The following ERBB4 variants were observed in gnomAD, a reference collection of about 807,000 sequenced individuals.
ERBB4 encodes the protein receptor tyrosine-protein kinase erbB-4.
A neutral mutation model predicts 158.0 loss-of-function variants in ERBB4; 42 were observed. The observed-to-expected ratio is 0.27, with a 90% CI of 0.21 to 0.34. The LOEUF (loss-of-function observed/expected upper bound fraction) is 0.34. ERBB4 is among the 10% of genes least tolerant of loss of function. ERBB4 has a pLI of 1.00. For synonymous variants in ERBB4, 583 were observed against 558.7 expected (o/e 1.04, Z -0.61); for missense variants, 1,333 against 1,624.1 (o/e 0.82, Z 3.08).
intron 2 of ERBB4, among the ~76,000 whole-genome samples, chr2:212,090,435 G>C (rs1238698997): frequency 6.6e-6 from 1 of 152,038 alleles, no homozygotes; most frequent in South Asian, 2.1e-4. Context: ...AACTGTTTCA[G>C]TCTTTAATAT....
At chr2:211,719,458 T>C (rs1171631865) in intron 7 of ERBB4, among the ~76,000 whole-genome samples, 1 of 152,178 alleles carries the variant, frequency 6.6e-6, no homozygotes, top group East Asian at 1.9e-4. Context: ...AGTACTGTGT[T>C]CCAAGCATTG....
chr2:211,775,392 C>A (rs1055164744), intron 4 of ERBB4, among the ~76,000 whole-genome samples: 4 of 152,162 alleles, frequency 2.6e-5, no homozygotes, highest in African/African-American at 9.7e-5. Context: ...GCTCTTCCAT[C>A]TTTCCCTTAC....
intron 1 of ERBB4, among the ~76,000 whole-genome samples, chr2:212,223,019 C>T (rs982780693): frequency 1.3e-5 from 2 of 151,468 alleles, no homozygotes; most frequent in African/African-American, 4.8e-5. Flanking sequence ...ACTTCATGCC[C>T]TGGCCCCTAA....
chr2:212,007,105 G>T (rs534918098), intron 2 of ERBB4, among the ~76,000 whole-genome samples: 4 of 152,012 alleles, frequency 2.6e-5, no homozygotes, highest in African/African-American at 9.6e-5. Flanking sequence ...CTGTCAATAT[G>T]CCAAACCTTA....
intron 3 of ERBB4, among the ~76,000 whole-genome samples, chr2:211,885,111 T>A (rs1349298837): frequency 6.6e-6 from 1 of 152,170 alleles, no homozygotes; most frequent in Non-Finnish European, 1.5e-5. Flanking sequence ...GAATTGATAT[T>A]TAAAATTAAA....
intron 2 of ERBB4, among the ~76,000 whole-genome samples, chr2:212,013,056 T>C (rs1412356574): frequency 1.4e-5 from 2 of 147,812 alleles, no homozygotes; most frequent in African/African-American, 2.5e-5. Flanking sequence ...AGAAATACTT[T>C]CCTTTTTTTT....
At chr2:211,730,072 TGA>T (rs1194332629) in intron 5 of ERBB4, among the ~76,000 whole-genome samples, 3 of 151,938 alleles carry the variant, frequency 2.0e-5, no homozygotes, top group Non-Finnish European at 4.4e-5. Flanking sequence ...CCAATACTAC[TGA>T]GAGAATGTCT....
chr2:211,630,689 T>G (rs2070084535), intron 16 of ERBB4, 95 bp from the exon 17 acceptor site: 1 of 1,136,738 alleles, frequency 8.8e-7, no homozygotes, highest in African/African-American at 1.6e-5. Context: ...ATTATCCACA[T>G]TTCACAAATC....
chr2:211,998,121 C>T (rs376486891), intron 2 of ERBB4, among the ~76,000 whole-genome samples: 1 of 151,848 alleles, frequency 6.6e-6, no homozygotes, highest in Non-Finnish European at 1.5e-5. Context: ...CAACATGGCA[C>T]ATGTATACAT....
chr2:212,462,175 C>G (rs1688611255), intron 1 of ERBB4, among the ~76,000 whole-genome samples: 1 of 150,524 alleles, frequency 6.6e-6, no homozygotes, highest in Admixed American at 6.6e-5. Context: ...ATTGGAGAAA[C>G]AACACTTCAA....
chr2:212,304,979 CAA>C (rs1383651799), intron 1 of ERBB4, among the ~76,000 whole-genome samples: 2 of 150,932 alleles, frequency 1.3e-5, no homozygotes, highest in East Asian at 2.0e-4. Flanking sequence ...TAGCCAATAA[CAA>C]GAGAGAAATA....
chr2:212,392,086 A>C (rs2090892679), intron 1 of ERBB4, among the ~76,000 whole-genome samples: 1 of 151,756 alleles, frequency 6.6e-6, no homozygotes. Flanking sequence ...CATCAAAATG[A>C]ATATAAAAAG....
chr2:212,129,778 C>T (rs992529346), intron 1 of ERBB4, among the ~76,000 whole-genome samples: 5 of 152,012 alleles, frequency 3.3e-5, no homozygotes, highest in African/African-American at 1.2e-4. Context: ...AATCACAATA[C>T]TCTATTTGCC....
chr2:211,499,445 C>T (rs533207714), intron 20 of ERBB4, among the ~76,000 whole-genome samples: 1 of 152,138 alleles, frequency 6.6e-6, no homozygotes, highest in African/African-American at 2.4e-5. Context: ...ATTGTTTGAA[C>T]CCAGGAGAAG....
Position 211,420,731 on chromosome 2 carries a change from T to C in ERBB4, c.2965-120A>G. On this transcript the variant is annotated intron_variant, in intron 24 of 27. Transcript: ENST00000342788. The stretch of plus-strand genomic sequence containing the variant: ...GGTTGAAAAATTCATACACACATTT[T>C]AAAAAAACAAGTCTTTAGCACAACC... The C allele has an allele frequency of 3.3e-6, 3 of 904,608 alleles. No individual in the cohort carries two copies. In the South Asian group the frequency reaches 4.3e-5, roughly 13 times the overall value. 56.0% of individuals were successfully genotyped at this position (904,608 alleles called of 1,614,324 possible).
At chr2:211,770,776 C>G (rs1372949825) in intron 4 of ERBB4, among the ~76,000 whole-genome samples, 1 of 152,142 alleles carries the variant, frequency 6.6e-6, no homozygotes, top group Non-Finnish European at 1.5e-5. Context: ...GCTCTTAATA[C>G]CTACCTCACA....
At chr2:211,779,301 T>C (rs1363388041) in intron 4 of ERBB4, 2 of 152,222 alleles carry the variant, frequency 1.3e-5, no homozygotes, top group East Asian at 1.9e-4. Flanking sequence ...GGCATCTTAT[T>C]AGCTAATTCA....
At chr2:212,388,594 T>G (rs887365235) in intron 1 of ERBB4, among the ~76,000 whole-genome samples, 1 of 152,038 alleles carries the variant, frequency 6.6e-6, no homozygotes, top group Non-Finnish European at 1.5e-5. Context: ...TTGTCACGGA[T>G]GGACTGGAAT....
intron 1 of ERBB4, among the ~76,000 whole-genome samples, chr2:212,276,992 T>G (rs745517460): frequency 4.7e-4 from 72 of 151,834 alleles, no homozygotes; most frequent in Admixed American, 2.6e-3. Context: ...CCTGAGTGCT[T>G]GCCATGGTGC....
Sources: gnomAD v4.1 joint callset for allele counts (sites outside exome capture counted in the v4.1 genomes callset) on GRCh38, gnomAD v4.1.1 for gene constraint, MANE v1.5 for transcripts, NCBI Gene and HGNC (gene_info 2026-07-23, HGNC 2026-07-21) for gene names.